The following TEAD1 variants were observed in gnomAD, a reference collection of about 807,000 sequenced individuals.
The protein encoded by TEAD1 is transcriptional enhancer factor TEF-1.
Under a neutral mutation model 54.9 loss-of-function variants are expected in TEAD1, and 9 were observed. The ratio of observed to expected loss-of-function variants is 0.16; its 90% CI spans 0.10 to 0.29. TEAD1 has a LOEUF of 0.29. Among genes scored for constraint, TEAD1 ranks in the 10% least tolerant of loss-of-function variants. The pLI is 1.00. For synonymous variants in TEAD1, 200 were observed against 187.8 expected, an observed-to-expected ratio of 1.07 and a Z score of -0.53; for missense variants, 387 against 535.9, an observed-to-expected ratio of 0.72 and a Z score of 2.74.
rs547165352 is a variant in TEAD1, at chr11:12,904,455, G to T, written c.873+2342G>T. Among the ~76,000 whole-genome samples the T allele has an allele frequency of 2.0e-5, 3 of 152,260 alleles. No individual in the cohort carries two copies. The East Asian group carries it at 5.8e-4, about 29-fold the overall frequency. On this transcript the variant is annotated intron_variant, in intron 10 of 12. Coordinates refer to ENST00000527636, the MANE Select transcript of TEAD1 (RefSeq NM_021961.6). ...AATTTGATATTGTGTTAGAGCAATGGATTTTAATGTAACAGAGTTGGAAAA... is the reference window on the plus strand; with the variant it reads ...AATTTGATATTGTGTTAGAGCAATGTATTTTAATGTAACAGAGTTGGAAAA...
chr11:12,795,498 A>T (rs1259219436), intron 3 of TEAD1, among the ~76,000 whole-genome samples: 1 of 152,168 alleles, frequency 6.6e-6, no homozygotes, highest in Non-Finnish European at 1.5e-5. Flanking sequence ...GTATGGTCAC[A>T]ATTAGGCAGT....
At chr11:12,863,067 AC>A in intron 4 of TEAD1, among the ~76,000 whole-genome samples, 1 of 152,354 alleles carries the variant, frequency 6.6e-6, no homozygotes, top group Middle Eastern at 3.4e-3. Context: ...TGAGTTGTTC[AC>A]AGAAAAGAAT....
intron 4 of TEAD1, 68 bp from the exon 5 acceptor site, chr11:12,864,770 G>A (rs1293755564): frequency 1.2e-6 from 2 of 1,613,102 alleles, no homozygotes; most frequent in Non-Finnish European, 8.5e-7. Flanking sequence ...TTGCCCACTT[G>A]TAGGGGGCTT....
chr11:12,701,860 G>C (rs1943709548), intron 2 of TEAD1, among the ~76,000 whole-genome samples: 1 of 152,120 alleles, frequency 6.6e-6, no homozygotes, highest in South Asian at 2.1e-4. Flanking sequence ...TGATCTCCTG[G>C]ACTACACTGG....
chr11:12,895,543 A>G (rs1231779650), intron 9 of TEAD1, among the ~76,000 whole-genome samples: 1 of 152,208 alleles, frequency 6.6e-6, no homozygotes, highest in Non-Finnish European at 1.5e-5. Context: ...AGCCCAAGGA[A>G]CTTGTGGCTA....
chr11:12,932,909 A>G (rs1470117901), intron 12 of TEAD1, among the ~76,000 whole-genome samples: 2 of 152,102 alleles, frequency 1.3e-5, no homozygotes, highest in Admixed American at 1.3e-4. Flanking sequence ...TTTTTACTGT[A>G]CTTTATGTGT....
intron 10 of TEAD1, among the ~76,000 whole-genome samples, chr11:12,910,431 T>A (rs1948596130): frequency 6.6e-6 from 1 of 152,188 alleles, no homozygotes; most frequent in Admixed American, 6.5e-5. Context: ...TCATAAACAT[T>A]ATAACCCAAA....
chr11:12,834,498 C>A (rs527447373), intron 3 of TEAD1, among the ~76,000 whole-genome samples: 14 of 152,154 alleles, frequency 9.2e-5, no homozygotes, highest in Non-Finnish European at 2.1e-4. Flanking sequence ...ATAATGACAG[C>A]CTCTGTTGAC....
chr11:12,900,609 T>C (rs947563776), intron 9 of TEAD1, among the ~76,000 whole-genome samples: 6 of 152,158 alleles, frequency 3.9e-5, no homozygotes, highest in Admixed American at 3.3e-4. Flanking sequence ...CAGTGTTTTG[T>C]GCTTGAGTAG....
At chr11:12,725,232 A>T (rs1249420852) in intron 2 of TEAD1, among the ~76,000 whole-genome samples, 1 of 152,214 alleles carries the variant, frequency 6.6e-6, no homozygotes, top group Non-Finnish European at 1.5e-5. Context: ...TGGAATGTCC[A>T]TGATCAAGCA....
At chr11:12,889,980 C>T (rs193247644) in intron 9 of TEAD1, among the ~76,000 whole-genome samples, 1 of 152,248 alleles carries the variant, frequency 6.6e-6, no homozygotes, top group Non-Finnish European at 1.5e-5. Flanking sequence ...CCTCGGCCTC[C>T]CAAAGTGCTG....
At chr11:12,868,011 AG>A (rs1228709487) in intron 5 of TEAD1, among the ~76,000 whole-genome samples, 8 of 152,172 alleles carry the variant, frequency 5.3e-5, no homozygotes, top group Non-Finnish European at 1.0e-4. Context: ...CAGACGTCGA[AG>A]GGGTAGACAA....
rs1223584491 is a variant in TEAD1, at chr11:12,675,100, C to A, written c.-208+266C>A. ...GAGCCCGCGCGGCAACAGGCGGCCC[C>A]CGGCCGGCCGCGCCGCGCCCCCCGC... On this transcript the variant is annotated intron_variant, in intron 1 of 12. Transcript: ENST00000527636. Among the ~76,000 whole-genome samples, 6 of 146,822 alleles carry A rather than the reference C, an allele frequency of 4.1e-5. No individual in the cohort carries two copies. The East Asian group carries it at 1.2e-3, about 29-fold the overall frequency.
intron 3 of TEAD1, among the ~76,000 whole-genome samples, chr11:12,852,695 G>T (rs1027448797): frequency 1.3e-5 from 2 of 152,018 alleles, no homozygotes; most frequent in African/African-American, 2.4e-5. Context: ...TGACCCACCC[G>T]CCTTGGCCTC....
At chr11:12,756,596 G>A (rs74338071) in intron 2 of TEAD1, among the ~76,000 whole-genome samples, 6,006 of 152,198 alleles carry the variant, frequency 0.039, 388 homozygotes, top group African/African-American at 0.14. Flanking sequence ...CTATTCATTA[G>A]GAATTAATTA....
intron 3 of TEAD1, among the ~76,000 whole-genome samples, chr11:12,815,969 C>T (rs2133995343): frequency 6.6e-6 from 1 of 152,340 alleles, no homozygotes. Context: ...TACAGCACTT[C>T]AGGTTTTGAT....
At chr11:12,848,711 T>G (rs1947207906) in intron 3 of TEAD1, 1 of 151,956 alleles carries the variant, frequency 6.6e-6, no homozygotes, top group Non-Finnish European at 1.5e-5. Context: ...TTTGTGAGGC[T>G]GAAGCAGGAG....
intron 3 of TEAD1, among the ~76,000 whole-genome samples, chr11:12,769,975 AGAAAAAAAGAAG>A (rs941337786): frequency 1.3e-5 from 2 of 152,224 alleles, no homozygotes; most frequent in Admixed American, 6.5e-5. Flanking sequence ...GGAAGTGGCT[AGAAAAAAAGAAG>A]GAAAAAAAGA....
chr11:12,764,220 TC>T lies in TEAD1; in HGVS notation c.-10del. The T allele has an allele frequency of 6.2e-7, 1 of 1,611,934 alleles. No homozygotes were observed. The highest frequency in any genetic ancestry group is 1.3e-5 in the African/African-American group (1 of 74,872). On this transcript the variant is annotated 5_prime_UTR_variant, in exon 3 of 13. Coordinates refer to ENST00000527636, the MANE Select transcript of TEAD1 (RefSeq NM_021961.6). ...AGGCTCCAGGCTTCGGCTTGGAAAA[TC>T]CCACCGCCAAAATTGAGCCCAGCAG...
Sources: allele counts gnomAD v4.1 joint callset (sites outside exome capture counted in the v4.1 genomes callset), GRCh38; gene constraint gnomAD v4.1.1; transcripts MANE v1.5; gene names NCBI Gene and HGNC (gene_info 2026-07-23, HGNC 2026-07-21).